Variants in HDGFL2 observed in about 807,000 individuals in gnomAD.
HDGFL2 encodes HDGF like 2.
HDGFL2 carries 36 observed loss-of-function variants against 77.1 expected under a neutral mutation model. The observed-to-expected ratio is 0.47, with a 90% CI of 0.36 to 0.62. HDGFL2 has a LOEUF of 0.62. Among genes scored for constraint, HDGFL2 ranks in the 20% least tolerant of loss-of-function variants. The pLI is 0.00. For synonymous variants in HDGFL2, 463 were observed against 413.1 expected (o/e 1.12, Z -1.46); for missense variants, 976 against 973.4 (o/e 1.00, Z -0.04).
At chr19:4,489,577 G>A (rs890113062) in intron 4 of HDGFL2, among the ~76,000 whole-genome samples, 3 of 151,956 alleles carry the variant, frequency 2.0e-5, no homozygotes, top group Non-Finnish European at 2.9e-5. Flanking sequence ...CTAATTTTTC[G>A]TATTTTAGTA....
chr19:4,485,764 T>C (rs1975343854), intron 3 of HDGFL2, among the ~76,000 whole-genome samples: 1 of 144,476 alleles, frequency 6.9e-6, no homozygotes, highest in South Asian at 2.2e-4. Context: ...AATCTCAATC[T>C]CGTGGGGTGC....
chr19:4,499,826 C>T, intron 14 of HDGFL2, 122 bp downstream of exon 14: 2 of 834,694 alleles, frequency 2.4e-6, no homozygotes, highest in South Asian at 3.6e-5. Flanking sequence ...GCCAGAGTGT[C>T]ATGTCCTGTT....
At chr19:4,488,051 A>G (rs1450221900) in intron 3 of HDGFL2, among the ~76,000 whole-genome samples, 2 of 151,680 alleles carry the variant, frequency 1.3e-5, no homozygotes, top group Non-Finnish European at 2.9e-5. Flanking sequence ...GCTCACTGCA[A>G]CCTCCACCTC....
chr19:4,475,439 C>T lies in HDGFL2; in HGVS notation c.150-6C>T. Reference sequence around the variant, plus strand: ...CCTGGGACTGGCCCCCGTTTCCCTTCTCCAGAGCCTTCCTGGGACCCAAGG... The same window carrying T: ...CCTGGGACTGGCCCCCGTTTCCCTTTTCCAGAGCCTTCCTGGGACCCAAGG... On this transcript the variant is annotated splice_region_variant and splice_polypyrimidine_tract_variant and intron_variant, in intron 2 of 15. Transcript: ENST00000616600. 1 of 1,613,852 alleles carries T rather than the reference C, an allele frequency of 6.2e-7. No homozygotes were observed. Among genetic ancestry groups the T allele is most frequent in the Non-Finnish European group, 8.5e-7 (1 of 1,179,950 alleles).
At chr19:4,493,282 C>CTGTGTGTGGTG (rs371483352) in intron 6 of HDGFL2, among the ~76,000 whole-genome samples, 83 of 118,524 alleles carry the variant, frequency 7.0e-4, no homozygotes, top group African/African-American at 2.4e-3. Flanking sequence ...TGTGTGTTGT[C>CTGTGTGTGGTG]TGTGTGTGGT....
chr19:4,476,964 CCA>C (rs1975089319), intron 3 of HDGFL2, among the ~76,000 whole-genome samples: 1 of 151,952 alleles, frequency 6.6e-6, no homozygotes, highest in African/African-American at 2.4e-5. Context: ...AGGGAACTGA[CCA>C]CAAGCTAGGG....
At chr19:4,479,722 C>G (rs1349424125) in intron 3 of HDGFL2, among the ~76,000 whole-genome samples, 4 of 151,892 alleles carry the variant, frequency 2.6e-5, no homozygotes, top group African/African-American at 9.7e-5. Context: ...GCCTGGCCAA[C>G]ACAGTGAAAC....
chr19:4,476,576 AG>A (rs1436685275), intron 3 of HDGFL2, among the ~76,000 whole-genome samples: 1 of 151,318 alleles, frequency 6.6e-6, no homozygotes, highest in Non-Finnish European at 1.5e-5. Context: ...TCTTTTGAGA[AG>A]AGCCCCCTCT....
At chr19:4,501,130 A>G in intron 14 of HDGFL2, 61 bp from the exon 15 acceptor site, 3 of 1,603,782 alleles carry the variant, frequency 1.9e-6, no homozygotes, top group Non-Finnish European at 8.5e-7. Flanking sequence ...TTGACAGGCA[A>G]GGGTTCTGGG....
At chr19:4,500,452 A>ATTTTTTTTTTT (rs67297373) in intron 14 of HDGFL2, among the ~76,000 whole-genome samples, 1 of 88,704 alleles carries the variant, frequency 1.1e-5, no homozygotes, top group Admixed American at 1.3e-4. Context: ...TGCCCTGCTA[A>ATTTTTTTTTTT]TTTTTTTTTT....
At chr19:4,496,539 T>C in intron 10 of HDGFL2, 134 bp downstream of exon 10, 1 of 707,130 alleles carries the variant, frequency 1.4e-6, no homozygotes, top group Non-Finnish European at 2.5e-6. Flanking sequence ...TTCCTGGTCC[T>C]TGGGTTGTGT....
intron 3 of HDGFL2, among the ~76,000 whole-genome samples, chr19:4,479,594 AG>A (rs1213033570): frequency 4.2e-5 from 6 of 142,112 alleles, no homozygotes; most frequent in Non-Finnish European, 7.7e-5. Flanking sequence ...AAAAAAAAAA[AG>A]AAAGAAAGAA....
chr19:4,472,441 TGGGGCCGGTGGGGGGGGGGGGG>T lies in HDGFL2; in HGVS notation c.72+25_72+46del. 4.2e-5 allele frequency: 5 copies of T among 118,054 alleles called. No individual in the cohort carries two copies. The highest frequency in any genetic ancestry group is 3.1e-4 in the Admixed American group (1 of 3,180). 7.3% of individuals were successfully genotyped at this position (118,054 alleles called of 1,614,324 possible). A position where few individuals can be genotyped will look rare whatever the true frequency, so the allele number is the denominator to read the frequency against. Reference sequence around the variant, plus strand: ...TGCCAGGGTGAGGCCGCGCGGGAGATGGGGCCGGTGGGGGGGGGGGGGGGGGCAGCGGGGGCCCCGGGCCGGA... The same window carrying T: ...TGCCAGGGTGAGGCCGCGCGGGAGATGGGGCAGCGGGGGCCCCGGGCCGGA... On this transcript the variant is annotated intron_variant, in intron 1 of 15. Coordinates refer to ENST00000616600, the MANE Select transcript of HDGFL2 (RefSeq NM_001001520.3).
chr19:4,472,551 G>A (rs1568200772), intron 1 of HDGFL2, 129 bp downstream of exon 1: 1 of 528,222 alleles, frequency 1.9e-6, no homozygotes, highest in Non-Finnish European at 2.9e-6. Context: ...GGGGTCTGGG[G>A]TTCATGGGGT....
At chr19:4,475,059 G>A (rs756809755) in intron 1 of HDGFL2, 4 of 568,900 alleles carry the variant, frequency 7.0e-6, no homozygotes, top group Non-Finnish European at 1.3e-5. Context: ...GGCCAGCTCC[G>A]TCCCTGGGGT....
rs1277798090 is a variant in HDGFL2 at position 4,475,297 on chromosome 19, C to A, written c.95C>A (p.Ala32Asp). The change falls in exon 2 of 16, where the codon GCC becomes GAC. Residue 32 changes from alanine to aspartate, a missense_variant. This residue lies in a region of HDGFL2 where 103 missense variants were observed against 145.7 expected (regional missense o/e 0.71). Coordinates refer to ENST00000616600, the MANE Select transcript of HDGFL2 (RefSeq NM_001001520.3). Reference protein sequence around the residue: ...PARIDDIADGAVKPPPNKYPI... With the variant: ...PARIDDIADGDVKPPPNKYPI... ...CAGATCGACGACATCGCGGATGGCGCCGTGAAGCCCCCACCCAACAAGTAC... is the reference window on the plus strand; with the variant it reads ...CAGATCGACGACATCGCGGATGGCGACGTGAAGCCCCCACCCAACAAGTAC... The A allele has an allele frequency of 6.2e-7, 1 of 1,614,088 alleles. No individual in the cohort carries two copies. The highest frequency in any genetic ancestry group is 1.1e-5 in the South Asian group (1 of 91,082).
rs544557298 is a variant in HDGFL2 at position 4,501,157 on chromosome 19, C to T, written c.1790-34C>T. 4 of 1,611,836 alleles carry T rather than the reference C, an allele frequency of 2.5e-6. No homozygotes were observed. The South Asian group carries it at 3.3e-5, about 13-fold the overall frequency. On this transcript the variant is annotated intron_variant, in intron 14 of 15. Coordinates refer to ENST00000616600, the MANE Select transcript of HDGFL2 (RefSeq NM_001001520.3). ...GGTTCTGGGGTGCCCAGCTGGAGCC[C>T]AGCAGTGTCCTGTGACCCCTCTGTC...
chr19:4,494,229 G>A lies in HDGFL2; in HGVS notation c.978G>A (p.Glu326=). The change falls in exon 9 of 16, where the codon GAG becomes GAA. Residue 326 remains glutamate, a synonymous_variant. Transcript: ENST00000616600. ...WKRRDEARRR[E]LEARRRREQE... ...GGCGGGACGAGGCGCGGAGGCGCGAGCTGGAGGCCCGGCGGCGGCGAGAGC... is the reference window on the plus strand; with the variant it reads ...GGCGGGACGAGGCGCGGAGGCGCGAACTGGAGGCCCGGCGGCGGCGAGAGC... The A allele has an allele frequency of 6.8e-7, 1 of 1,464,556 alleles. No individual in the cohort carries two copies. The allele number at this position is 1,464,556 out of a possible 1,614,324, so 90.7% of individuals were successfully genotyped here.
chr19:4,496,791 G>A (rs1248163241), intron 10 of HDGFL2: 1 of 379,686 alleles, frequency 2.6e-6, no homozygotes, highest in Non-Finnish European at 5.1e-6. Flanking sequence ...AGAGGAGGAG[G>A]GAGAAACTGC....
Sources: gnomAD v4.1 joint callset for allele counts (sites outside exome capture counted in the v4.1 genomes callset) on GRCh38, gnomAD v4.1.1 for gene constraint, gnomAD v4.1.1 regional missense constraint, MANE v1.5 for transcripts, NCBI Gene and HGNC (gene_info 2026-07-23, HGNC 2026-07-21) for gene names.